The following GFOD1 variants were observed in gnomAD, a reference collection of about 807,000 sequenced individuals.
The protein encoded by GFOD1 is Gfo/Idh/MocA-like oxidoreductase domain containing 1.
In GFOD1, 9 loss-of-function variants were observed where a neutral mutation model predicts 25.4. The ratio of observed to expected loss-of-function variants is 0.35; its 90% CI spans 0.21 to 0.62. The LOEUF (loss-of-function observed/expected upper bound fraction) is 0.62, where lower values mean the gene tolerates loss of function less well. GFOD1 is among the 20% of genes least tolerant of loss of function. The pLI is 0.72. For synonymous variants in GFOD1, 253 were observed against 245.6 expected (o/e 1.03, Z -0.28); for missense variants, 403 against 556.9 (o/e 0.72, Z 2.78).
chr6:13,364,560 C>G lies in GFOD1; in HGVS notation c.*183G>C. 1 of 601,596 alleles carries G rather than the reference C, an allele frequency of 1.7e-6. No individual in the cohort carries two copies. 37.3% of individuals were successfully genotyped at this position (601,596 alleles called of 1,614,324 possible). ...CTTCCAGGCTAGGAGCTCAGCCCAC[C>G]AACAGTCTGGTTTGGGGTCGGTCAC... On this transcript the variant is annotated 3_prime_UTR_variant, in exon 2 of 2. Transcript: ENST00000379287. This position sits in a 1 kb window ranked among gnomAD's most constrained non-coding sequence, Gnocchi z 4.1.
chr6:13,422,141 C>T (rs991970777), intron 1 of GFOD1, among the ~76,000 whole-genome samples: 4 of 152,106 alleles, frequency 2.6e-5, no homozygotes, highest in African/African-American at 9.7e-5. Context: ...CAAACACACA[C>T]TCTCTCCCTT....
At chr6:13,449,458 A>G (rs1277809609) in intron 1 of GFOD1, among the ~76,000 whole-genome samples, 2 of 152,220 alleles carry the variant, frequency 1.3e-5, no homozygotes, top group East Asian at 3.8e-4. Context: ...GGGTACCTAA[A>G]GCATTCAGAA....
chr6:13,365,111 G>A lies in GFOD1; in HGVS notation c.805C>T (p.Arg269Cys), dbSNP rs1785016202. 1.9e-6 allele frequency: 3 copies of A among 1,612,582 alleles called. No homozygotes were observed. The highest frequency in any genetic ancestry group is 2.5e-6 in the Non-Finnish European group (3 of 1,179,802). ...AGCTCCTGCTCCGGGGCGCTGTTGCGCTGCCCGTACAGGTCGGTGCCCACG... is the reference window on the plus strand; with the variant it reads ...AGCTCCTGCTCCGGGGCGCTGTTGCACTGCCCGTACAGGTCGGTGCCCACG... Reference protein sequence around the residue: ...LAVGTDLYGQRNSAPEQELLV... With the variant: ...LAVGTDLYGQCNSAPEQELLV... Residue 269 changes from arginine (R) to cysteine (C), a missense_variant, in exon 2 of 2, where the codon CGC (arginine) becomes TGC (cysteine). By Grantham distance (180) the Arg-to-Cys change is radical (BLOSUM62 -3). Transcript: ENST00000379287. This position sits in a 1 kb window ranked among gnomAD's most constrained non-coding sequence, Gnocchi z 9.2.
intron 1 of GFOD1, among the ~76,000 whole-genome samples, chr6:13,420,087 G>C (rs1043276501): frequency 6.6e-6 from 1 of 152,218 alleles, no homozygotes; most frequent in African/African-American, 2.4e-5. Context: ...ACAATGGCCA[G>C]CACAGAGAAG....
chr6:13,368,724 A>T (rs916727166), intron 1 of GFOD1, among the ~76,000 whole-genome samples: 2 of 152,122 alleles, frequency 1.3e-5, no homozygotes, highest in African/African-American at 4.8e-5. Flanking sequence ...AAAACTATAA[A>T]ATAAAATAAT....
intron 1 of GFOD1, among the ~76,000 whole-genome samples, chr6:13,395,415 G>A (rs923264142): frequency 6.6e-6 from 1 of 152,172 alleles, no homozygotes; most frequent in African/African-American, 2.4e-5. Flanking sequence ...TCATTCCCTT[G>A]CCTCTGATAA....
intron 1 of GFOD1, among the ~76,000 whole-genome samples, chr6:13,409,270 AAGAT>A (rs67480126): frequency 0.56 from 68,034 of 121,346 alleles, 24,579 homozygotes; most frequent in Non-Finnish European, 0.74. Flanking sequence ...GAGAGAGGGA[AAGAT>A]AGAGAGACAG....
At chr6:13,411,128 CAGAA>C (rs939503950) in intron 1 of GFOD1, among the ~76,000 whole-genome samples, 1 of 152,142 alleles carries the variant, frequency 6.6e-6, no homozygotes, top group Non-Finnish European at 1.5e-5. Flanking sequence ...TGGTGAAAAA[CAGAA>C]GGAAGACTCC....
chr6:13,375,879 G>A (rs763274819), intron 1 of GFOD1, among the ~76,000 whole-genome samples: 2 of 152,124 alleles, frequency 1.3e-5, no homozygotes, highest in African/African-American at 4.8e-5. Flanking sequence ...AAACACTTTC[G>A]AATTTCTGTT....
intron 1 of GFOD1, among the ~76,000 whole-genome samples, chr6:13,455,972 C>T (rs969781367): frequency 2.6e-5 from 4 of 152,102 alleles, no homozygotes; most frequent in Non-Finnish European, 4.4e-5. Context: ...GACAAGATTG[C>T]GGGGCATGAT....
chr6:13,466,426 CTAA>C (rs1242308313), intron 1 of GFOD1, among the ~76,000 whole-genome samples: 1 of 152,198 alleles, frequency 6.6e-6, no homozygotes, highest in Non-Finnish European at 1.5e-5. Context: ...ACACAGATTA[CTAA>C]TGTCACATCC....
chr6:13,453,995 G>A (rs1474302695), intron 1 of GFOD1, among the ~76,000 whole-genome samples: 3 of 152,252 alleles, frequency 2.0e-5, no homozygotes, highest in Non-Finnish European at 4.4e-5. Flanking sequence ...AGTTGTGGCA[G>A]ATGTAATTAG....
intron 1 of GFOD1, among the ~76,000 whole-genome samples, chr6:13,461,917 C>T (rs912307010): frequency 3.3e-5 from 5 of 152,106 alleles, no homozygotes; most frequent in African/African-American, 1.2e-4. Flanking sequence ...CAATGAGTCA[C>T]CAATGCCCTG....
intron 1 of GFOD1, among the ~76,000 whole-genome samples, chr6:13,482,735 G>A (rs966965373): frequency 2.6e-5 from 4 of 152,060 alleles, no homozygotes; most frequent in African/African-American, 7.2e-5. Context: ...GCAACAGAGC[G>A]AGGCTCCGTC....
chr6:13,475,998 G>C (rs571169528), intron 1 of GFOD1, among the ~76,000 whole-genome samples: 1 of 152,272 alleles, frequency 6.6e-6, no homozygotes, highest in South Asian at 2.1e-4. Flanking sequence ...TAGTGGGAAT[G>C]TAATATGATG....
intron 1 of GFOD1, among the ~76,000 whole-genome samples, chr6:13,421,893 C>T (rs1426853562): frequency 6.6e-6 from 1 of 152,174 alleles, no homozygotes; most frequent in Non-Finnish European, 1.5e-5. Context: ...CAAACAGGCA[C>T]AACAATCTGT....
intron 1 of GFOD1, among the ~76,000 whole-genome samples, chr6:13,369,504 T>G (rs1051903846): frequency 2.0e-5 from 3 of 152,010 alleles, no homozygotes; most frequent in Non-Finnish European, 2.9e-5. Flanking sequence ...AAGATCCCAT[T>G]TCTTAAAAAA....
At chr6:13,460,748 C>T (rs573745200) in intron 1 of GFOD1, among the ~76,000 whole-genome samples, 89 of 127,292 alleles carry the variant, frequency 7.0e-4, no homozygotes, top group Non-Finnish European at 1.1e-3. Context: ...ACCTAGGTGA[C>T]GGGTTGATAG....
At chr6:13,384,461 C>T (rs1224073350) in intron 1 of GFOD1, among the ~76,000 whole-genome samples, 1 of 152,166 alleles carries the variant, frequency 6.6e-6, no homozygotes, top group South Asian at 2.1e-4. Flanking sequence ...CACCTCTATT[C>T]CAGAATGTCT....
Sources: gnomAD v4.1 joint callset for allele counts (sites outside exome capture counted in the v4.1 genomes callset) on GRCh38, gnomAD v4.1.1 for gene constraint, Gnocchi (gnomAD v3.1) non-coding constraint, MANE v1.5 for transcripts, NCBI Gene and HGNC (gene_info 2026-07-23, HGNC 2026-07-21) for gene names.